SLCO3A1: variants seen among roughly 807,000 people sequenced by gnomAD.
SLCO3A1 encodes the protein PGE1 transporter.
A neutral mutation model predicts 63.1 loss-of-function variants in SLCO3A1; 27 were observed. The observed-to-expected ratio is 0.43, with a 90% CI of 0.32 to 0.59. The LOEUF (loss-of-function observed/expected upper bound fraction) is 0.59. Ranked by LOEUF, SLCO3A1 falls within the 20% of genes least tolerant of loss-of-function variation. The pLI, the probability that SLCO3A1 is intolerant of heterozygous loss-of-function variation, is 0.09. For synonymous variants in SLCO3A1, 473 were observed against 409.9 expected (o/e 1.15, Z -1.86); for missense variants, 773 against 945.8 (o/e 0.82, Z 2.40).
At chr15:92,004,573 A>G (rs1202503999) in intron 2 of SLCO3A1, among the ~76,000 whole-genome samples, 1 of 152,168 alleles carries the variant, frequency 6.6e-6, no homozygotes, top group African/African-American at 2.4e-5. Context: ...CAAACAGAAC[A>G]CCAAAAACCA....
chr15:91,855,520 C>G (rs1896895444), intron 1 of SLCO3A1, among the ~76,000 whole-genome samples: 1 of 152,128 alleles, frequency 6.6e-6, no homozygotes, highest in Non-Finnish European at 1.5e-5. Flanking sequence ...TGCAAGTGAA[C>G]CCTGTAGTCA....
At position 92,013,955 on chromosome 15, in the gene SLCO3A1, C is replaced by T. The variant is rs78916999; in HGVS notation, c.647-80926C>T. Among the ~76,000 whole-genome samples, 184 of 152,208 alleles carry T rather than the reference C, an allele frequency of 1.2e-3. 2 individuals are homozygous for T. The East Asian group carries it at 0.024, about 20-fold the overall frequency. On this transcript the variant is annotated intron_variant, in intron 2 of 9. Coordinates refer to ENST00000318445, the MANE Select transcript of SLCO3A1 (RefSeq NM_013272.4). ...AGGTTTTTCTATGTAAAAGGCTGAGCGTACAGTAGGTTTTCACCAAAAATA... is the reference window on the plus strand; with the variant it reads ...AGGTTTTTCTATGTAAAAGGCTGAGTGTACAGTAGGTTTTCACCAAAAATA...
At chr15:92,171,669 C>T (rs2048522161) in intron 10 of SLCO3A1, 5 of 763,898 alleles carry the variant, frequency 6.5e-6, no homozygotes, top group South Asian at 6.3e-5. Context: ...CTACTCTTGT[C>T]CCTTCACTGC....
At chr15:92,000,489 C>A (rs1248919208) in intron 2 of SLCO3A1, among the ~76,000 whole-genome samples, 1 of 149,422 alleles carries the variant, frequency 6.7e-6, no homozygotes, top group African/African-American at 2.5e-5. Context: ...AACAATATAT[C>A]TATAGGTGGT....
rs1898118233 is a variant in SLCO3A1, at chr15:91,900,275, C to A, written c.181-15718C>A. 6.6e-6 allele frequency among the ~76,000 whole-genome samples: 1 copy of A among 152,168 alleles called. No individual in the cohort carries two copies. The highest frequency in any genetic ancestry group is 2.4e-5 in the African/African-American group (1 of 41,448). ...TCTTTTATGTTCCCACTAGCAGTATCTGAGTGTTCCAGTTTCCTCAGATGG... is the reference window on the plus strand; with the variant it reads ...TCTTTTATGTTCCCACTAGCAGTATATGAGTGTTCCAGTTTCCTCAGATGG... On this transcript the variant is annotated intron_variant, in intron 1 of 9. Transcript: ENST00000318445. This position sits in a 1 kb window ranked among gnomAD's most constrained non-coding sequence, Gnocchi z 4.3.
At chr15:91,902,003 A>G (rs576695471) in intron 1 of SLCO3A1, among the ~76,000 whole-genome samples, 2 of 133,158 alleles carry the variant, frequency 1.5e-5, no homozygotes, top group Admixed American at 7.1e-5. Flanking sequence ...GGCTCTGTTC[A>G]TTTTTCTTCT....
chr15:92,024,419 GTCTAACTT>G (rs2046546221), intron 2 of SLCO3A1, among the ~76,000 whole-genome samples: 1 of 152,200 alleles, frequency 6.6e-6, no homozygotes, highest in Non-Finnish European at 1.5e-5. Flanking sequence ...ATACTGTGCT[GTCTAACTT>G]GCTTTTATAG....
intron 2 of SLCO3A1, among the ~76,000 whole-genome samples, chr15:91,926,444 T>G (rs1313016224): frequency 1.3e-5 from 2 of 152,078 alleles, no homozygotes; most frequent in African/African-American, 2.4e-5. Flanking sequence ...TGACTGCAAT[T>G]GCCAAAGGTA....
intron 4 of SLCO3A1, among the ~76,000 whole-genome samples, chr15:92,113,650 G>A (rs1381078543): frequency 2.6e-5 from 4 of 152,146 alleles, no homozygotes; most frequent in South Asian, 2.1e-4. Flanking sequence ...AAGTTCATCC[G>A]CAGCAATGAA....
At chr15:92,085,435 C>A (rs926508561) in intron 2 of SLCO3A1, among the ~76,000 whole-genome samples, 1 of 152,188 alleles carries the variant, frequency 6.6e-6, no homozygotes, top group African/African-American at 2.4e-5. Context: ...AGCCAAGTGC[C>A]CCGGGGCGAG....
chr15:92,118,204 T>G (rs2047819008), intron 4 of SLCO3A1, among the ~76,000 whole-genome samples: 1 of 152,230 alleles, frequency 6.6e-6, no homozygotes. Flanking sequence ...TTTTTATTTG[T>G]GCATTTATTT....
intron 2 of SLCO3A1, among the ~76,000 whole-genome samples, chr15:91,918,033 T>A (rs1383983871): frequency 6.6e-6 from 1 of 152,340 alleles, no homozygotes; most frequent in East Asian, 1.9e-4. Context: ...CCTGAAGTCC[T>A]AACAGTGCTG....
At position 92,104,189 on chromosome 15, in the gene SLCO3A1, C is replaced by A. The variant is rs545716167; in HGVS notation, c.746-90C>A. 5.6e-5 allele frequency: 81 copies of A among 1,447,466 alleles called. No individual in the cohort carries two copies. In the African/African-American group the frequency reaches 1.1e-3, roughly 19 times the overall value. 89.7% of individuals were successfully genotyped at this position (1,447,466 alleles called of 1,614,324 possible). ...CGCAAGTCATTTCTAGAGCCCTTGCCCTCTCTGTTCAGCGGATTCAGATTC... is the reference window on the plus strand; with the variant it reads ...CGCAAGTCATTTCTAGAGCCCTTGCACTCTCTGTTCAGCGGATTCAGATTC... On this transcript the variant is annotated intron_variant, in intron 3 of 9. Transcript: ENST00000318445.
intron 1 of SLCO3A1, among the ~76,000 whole-genome samples, chr15:91,877,370 C>T (rs1387029018): frequency 6.6e-6 from 1 of 152,164 alleles, no homozygotes; most frequent in African/African-American, 2.4e-5. Flanking sequence ...TTTATTAATT[C>T]AAGACCTATT....
chr15:92,147,162 A>T lies in SLCO3A1; in HGVS notation c.1688+3A>T. The T allele has an allele frequency of 6.2e-7, 1 of 1,608,576 alleles. No individual in the cohort carries two copies. The highest frequency in any genetic ancestry group is 8.5e-7 in the Non-Finnish European group (1 of 1,176,976). ...CCCTCAGTCATCATCCTCATCAGGT[A>T]AGCCCTCGGCACAGCCCCGCCTCTC... is the stretch of plus-strand genomic sequence containing the variant. On this transcript the variant is annotated splice_donor_region_variant and intron_variant, in intron 8 of 9. Coordinates refer to ENST00000318445, the MANE Select transcript of SLCO3A1 (RefSeq NM_013272.4).
At chr15:92,008,714 A>G (rs1165894661) in intron 2 of SLCO3A1, among the ~76,000 whole-genome samples, 3 of 152,234 alleles carry the variant, frequency 2.0e-5, no homozygotes, top group African/African-American at 7.2e-5. Context: ...TGTTTTCTCA[A>G]TGATGTTTTT....
At chr15:91,864,605 T>C (rs1462159677) in intron 1 of SLCO3A1, among the ~76,000 whole-genome samples, 1 of 151,960 alleles carries the variant, frequency 6.6e-6, no homozygotes, top group Non-Finnish European at 1.5e-5. Flanking sequence ...TGCCTTCTGA[T>C]GCTTAGGATT....
intron 8 of SLCO3A1, 139 bp downstream of exon 8, chr15:92,147,298 T>A: frequency 1.3e-6 from 1 of 762,314 alleles, no homozygotes; most frequent in Non-Finnish European, 2.1e-6. Context: ...GCAGCTTCTC[T>A]AGGCTGATAG....
chr15:91,952,129 C>G (rs1055876381), intron 2 of SLCO3A1, among the ~76,000 whole-genome samples: 27 of 152,188 alleles, frequency 1.8e-4, no homozygotes, highest in African/African-American at 6.5e-4. Context: ...TGTTAAGCAT[C>G]ATTTCATGTG....
Sources: gnomAD v4.1 joint callset for allele counts (sites outside exome capture counted in the v4.1 genomes callset) on GRCh38, gnomAD v4.1.1 for gene constraint, Gnocchi (gnomAD v3.1) non-coding constraint, MANE v1.5 for transcripts, NCBI Gene and HGNC (gene_info 2026-07-23, HGNC 2026-07-21) for gene names.